Variants in NHSL1 observed in about 807,000 individuals in gnomAD.
The protein encoded by NHSL1 is NHS like 1.
In NHSL1, 48 loss-of-function variants were observed where a neutral mutation model predicts 95.0. The observed-to-expected ratio is 0.51, with a 90% CI of 0.40 to 0.64. The LOEUF (loss-of-function observed/expected upper bound fraction) is 0.64, where lower values mean the gene tolerates loss of function less well. Among genes scored for constraint, NHSL1 ranks in the 30% least tolerant of loss-of-function variants. The pLI is 0.00. For synonymous variants in NHSL1, 783 were observed against 833.9 expected, an observed-to-expected ratio of 0.94 and a Z score of 1.05; for missense variants, 1,971 against 2,077.7, an observed-to-expected ratio of 0.95 and a Z score of 1.00.
At chr6:138,484,882 G>GC (rs1779627415) in intron 2 of NHSL1, among the ~76,000 whole-genome samples, 1 of 152,140 alleles carries the variant, frequency 6.6e-6, no homozygotes, top group Admixed American at 6.5e-5. Context: ...AATGTCATTT[G>GC]CCATTGCAGA....
intron 3 of NHSL1, among the ~76,000 whole-genome samples, chr6:138,461,234 T>G (rs1777975334): frequency 6.6e-6 from 1 of 152,044 alleles, no homozygotes; most frequent in East Asian, 1.9e-4. Context: ...TCAGTGGAGA[T>G]GGACAGTAAG....
chr6:138,465,855 C>T lies in NHSL1; in HGVS notation c.339+7451G>A, dbSNP rs536899793. ...TCTCCTGCCTCAGCCTCCCGAGTAG[C>T]TGGGATTACAGGTGCCTGCCACCAT... On this transcript the variant is annotated intron_variant, in intron 3 of 7. Transcript: ENST00000343505. Among the ~76,000 whole-genome samples the T allele has an allele frequency of 6.6e-3, 995 of 151,564 alleles. 12 individuals are homozygous for T. The highest frequency in any genetic ancestry group is 0.024 in the African/African-American group (972 of 41,276).
At chr6:138,594,237 T>A (rs936968986) in intron 1 of NHSL1, among the ~76,000 whole-genome samples, 4 of 152,174 alleles carry the variant, frequency 2.6e-5, no homozygotes, top group Non-Finnish European at 4.4e-5. Context: ...GTATTTTTGG[T>A]ATTCAGTAGC....
At chr6:138,619,626 T>C (rs1386388347) in intron 1 of NHSL1, among the ~76,000 whole-genome samples, 1 of 152,118 alleles carries the variant, frequency 6.6e-6, no homozygotes, top group African/African-American at 2.4e-5. Flanking sequence ...CCGTGGTGTT[T>C]TTTAAAAAGG....
intron 1 of NHSL1, among the ~76,000 whole-genome samples, chr6:138,524,808 T>C (rs1383044488): frequency 6.6e-6 from 1 of 152,178 alleles, no homozygotes; most frequent in African/African-American, 2.4e-5. Flanking sequence ...AAAGGTTTTC[T>C]TCCCTAGCAA....
rs1775786356 is a variant in NHSL1, at chr6:138,432,711, C to T, written c.1634G>A (p.Gly545Glu). 6.4e-7 allele frequency: 1 copy of T among 1,551,568 alleles called. No homozygotes were observed. Among genetic ancestry groups the T allele is most frequent in the South Asian group, 1.2e-5 (1 of 84,058 alleles). ...GKSESSYSGG[G>E]GHSSSEPWEY... is the part of the protein sequence containing the mutation. ...CCAGGGCTCCGAGCTGCTGTGCCCT[C>T]CGCCCCCTGAATAACTAGATTCACT... Residue 545 changes from glycine (G) to glutamate (E), a missense_variant, in exon 6 of 8, where the codon GGA becomes GAA. Coordinates refer to ENST00000343505, the MANE Select transcript of NHSL1 (RefSeq NM_001144060.2). The surrounding 1 kb of genome is among the most constrained non-coding windows in gnomAD (Gnocchi z 4.4).
At position 138,431,746 on chromosome 6, in the gene NHSL1, C is replaced by T; in HGVS notation, c.2599G>A (p.Val867Met). ...NTPTALTPVP[V>M]FLKSVSPANG... ...GCTGGTGACACTGATTTTAAAAACA[C>T]AGGCACAGGGGTGAGTGCTGTGGGT... The change falls in exon 6 of 8, where the codon GTG becomes ATG. Residue 867 changes from valine (V) to methionine (M), a missense_variant. Val to Met is a conservative substitution (Grantham distance 21). This residue lies in a region of NHSL1 where 1,602 missense variants were observed against 1,654.5 expected (regional missense o/e 0.97). Coordinates refer to ENST00000343505, the MANE Select transcript of NHSL1 (RefSeq NM_001144060.2). This position sits in a 1 kb window ranked among gnomAD's most constrained non-coding sequence, Gnocchi z 4.0. 6.4e-7 allele frequency: 1 copy of T among 1,551,774 alleles called. No individual in the cohort carries two copies. Among genetic ancestry groups the T allele is most frequent in the South Asian group, 1.2e-5 (1 of 84,058 alleles).
At chr6:138,532,194 T>C (rs1208603810) in intron 1 of NHSL1, among the ~76,000 whole-genome samples, 1 of 151,888 alleles carries the variant, frequency 6.6e-6, no homozygotes, top group African/African-American at 2.4e-5. Context: ...GTGAACACAG[T>C]GGGAAATATG....
chr6:138,627,100 G>A (rs1784750533), intron 1 of NHSL1, among the ~76,000 whole-genome samples: 1 of 152,108 alleles, frequency 6.6e-6, no homozygotes, highest in Non-Finnish European at 1.5e-5. Flanking sequence ...AGATGTTGAT[G>A]AGAAATTGTC....
rs1024327182 is a variant in NHSL1, at chr6:138,473,513, T to A, written c.212-80A>T. ...TTTACTTACTTTACGTTTACTCCTCTTTTTTACTTTTTAAAGTTATATTTT... is the reference window on the plus strand; with the variant it reads ...TTTACTTACTTTACGTTTACTCCTCATTTTTACTTTTTAAAGTTATATTTT... On this transcript the variant is annotated intron_variant, in intron 2 of 7. Coordinates refer to ENST00000343505, the MANE Select transcript of NHSL1 (RefSeq NM_001144060.2). 3 of 1,289,928 alleles carry A rather than the reference T, an allele frequency of 2.3e-6. No homozygotes were observed. The African/African-American group carries it at 4.5e-5, about 19-fold the overall frequency. The allele number at this position is 1,289,928 out of a possible 1,614,324, so 79.9% of individuals were successfully genotyped here.
chr6:138,528,083 G>A (rs145304790), intron 1 of NHSL1, among the ~76,000 whole-genome samples: 2 of 152,272 alleles, frequency 1.3e-5, no homozygotes, highest in African/African-American at 2.4e-5. Flanking sequence ...TAAATTATAC[G>A]TATAAAACTC....
At chr6:138,597,912 A>G (rs1304722810) in intron 1 of NHSL1, among the ~76,000 whole-genome samples, 1 of 152,184 alleles carries the variant, frequency 6.6e-6, no homozygotes, top group African/African-American at 2.4e-5. Flanking sequence ...AGGTTATGCC[A>G]GCACTTCCCC....
At chr6:138,444,773 A>G (rs922662590) in intron 4 of NHSL1, among the ~76,000 whole-genome samples, 9 of 152,198 alleles carry the variant, frequency 5.9e-5, no homozygotes, top group African/African-American at 2.2e-4. Flanking sequence ...AACCACTAAA[A>G]GTGAAAATTT....
At chr6:138,471,069 C>A (rs1778720443) in intron 3 of NHSL1, among the ~76,000 whole-genome samples, 1 of 152,112 alleles carries the variant, frequency 6.6e-6, no homozygotes, top group South Asian at 2.1e-4. Flanking sequence ...GATTTGTCGA[C>A]CCTCTCACAC....
intron 1 of NHSL1, among the ~76,000 whole-genome samples, chr6:138,561,816 A>G (rs1783422453): frequency 6.6e-6 from 1 of 152,204 alleles, no homozygotes; most frequent in Non-Finnish European, 1.5e-5. Flanking sequence ...CTGGGGGAAG[A>G]TGGTCTCAGA....
At chr6:138,455,485 C>CCCTGCAAGAAGCCCCGCCTTCGCATGCTT (rs1562287681) in intron 3 of NHSL1, among the ~76,000 whole-genome samples, 5 of 14,334 alleles carry the variant, frequency 3.5e-4, no homozygotes, top group Non-Finnish European at 1.0e-3. Context: ...TTCACATGCT[C>CCCTGCAAGAAGCCCCGCCTTCGCATGCTT]CCTGCAAGGA....
chr6:138,649,899 A>G (rs972254333), intron 1 of NHSL1, among the ~76,000 whole-genome samples: 1 of 152,040 alleles, frequency 6.6e-6, no homozygotes, highest in African/African-American at 2.4e-5. Flanking sequence ...TTCCCCATCC[A>G]ACCTGGGCCC....
chr6:138,476,351 T>C (rs1191570459), intron 2 of NHSL1, among the ~76,000 whole-genome samples: 1 of 152,174 alleles, frequency 6.6e-6, no homozygotes, highest in South Asian at 2.1e-4. Context: ...TGCAGCAACC[T>C]GGACAGAGTT....
At chr6:138,569,170 C>T (rs1381686379) in intron 1 of NHSL1, among the ~76,000 whole-genome samples, 1 of 151,990 alleles carries the variant, frequency 6.6e-6, no homozygotes, top group Non-Finnish European at 1.5e-5. Context: ...CACAGGGGGA[C>T]AACTGATGCG....
Sources: allele counts gnomAD v4.1 joint callset (sites outside exome capture counted in the v4.1 genomes callset), GRCh38; gene constraint gnomAD v4.1.1; regional missense constraint gnomAD v4.1.1; non-coding constraint Gnocchi (gnomAD v3.1); transcripts MANE v1.5; gene names NCBI Gene and HGNC (gene_info 2026-07-23, HGNC 2026-07-21).